Variants in IVD observed in about 807,000 individuals in gnomAD.
IVD encodes isovaleryl-CoA dehydrogenase.
IVD carries 31 observed loss-of-function variants against 51.3 expected under a neutral mutation model. That is an observed-to-expected ratio of 0.60 (90% CI 0.45 to 0.81). The LOEUF is 0.81. IVD is among the 40% of genes least tolerant of loss of function. The pLI is 0.00. For missense variants in IVD, 475 were observed against 552.0 expected, an observed-to-expected ratio of 0.86 and a Z score of 1.40; for synonymous variants, 205 against 219.4, an observed-to-expected ratio of 0.93 and a Z score of 0.58.
At chr15:40,433,187 C>A (rs892535731) in intron 7 of IVD, among the ~76,000 whole-genome samples, 9 of 151,332 alleles carry the variant, frequency 5.9e-5, no homozygotes, top group Middle Eastern at 3.4e-3. Flanking sequence ...TGTTAAATGC[C>A]GTATGAAAAA....
intron 8 of IVD, among the ~76,000 whole-genome samples, chr15:40,434,325 T>C (rs989125821): frequency 1.3e-5 from 2 of 152,216 alleles, no homozygotes; most frequent in African/African-American, 2.4e-5. Flanking sequence ...ATGGAACTTG[T>C]CTGCCTGCTT....
intron 2 of IVD, 56 bp downstream of exon 2, chr15:40,407,781 C>A: frequency 6.7e-7 from 1 of 1,502,296 alleles, no homozygotes; most frequent in Non-Finnish European, 9.2e-7. Flanking sequence ...CTGAGCTGCA[C>A]TGCTGCCTGG....
downstream of IVD, among the ~76,000 whole-genome samples, chr15:40,421,806 A>C (rs1234543330): frequency 6.6e-6 from 1 of 152,250 alleles, no homozygotes; most frequent in African/African-American, 2.4e-5. Context: ...AACCGAGTGC[A>C]GGAGGCAAGG....
chr15:40,417,979 A>G, intron 11 of IVD, 151 bp from the exon 12 acceptor site: 1 of 988,482 alleles, frequency 1.0e-6, no homozygotes, highest in Non-Finnish European at 1.5e-6. Flanking sequence ...GGACTAGTGT[A>G]TTCCCCACAC....
Position 40,420,283 on chromosome 15 carries a change from G to A in IVD, c.*2020G>A, listed in dbSNP as rs752352907. On this transcript the variant is annotated 3_prime_UTR_variant, in exon 12 of 12. Coordinates refer to ENST00000487418, the MANE Select transcript of IVD (RefSeq NM_002225.5). ...AGTCCTGGCCGTGTGACCACCCACA[G>A]CTGACTGGGCAGCAGGCACAGGCCC... The A allele has an allele frequency of 4.8e-5, 47 of 987,548 alleles. No homozygotes were observed. The highest frequency in any genetic ancestry group is 1.1e-4 in the East Asian group (1 of 8,824). 61.2% of individuals were successfully genotyped at this position (987,548 alleles called of 1,614,324 possible). A position where few individuals can be genotyped will look rare whatever the true frequency, so the allele number is the denominator to read the frequency against.
rs748160492 is a variant in IVD, at chr15:40,405,844, G to A, written c.17G>A (p.Arg6Gln). The A allele has an allele frequency of 1.2e-6, 2 of 1,612,220 alleles. No homozygotes were observed. The highest frequency in any genetic ancestry group is 1.1e-5 in the South Asian group (1 of 90,986). MATAT[R>Q]LLGWRVASWR... The stretch of plus-strand genomic sequence containing the variant: ...ATGGCAGAGATGGCGACTGCGACTC[G>A]GCTGCTGGGGTGGCGTGTGGCGAGC... The change falls in exon 1 of 12, where the codon CGG becomes CAG. Residue 6 changes from arginine to glutamine, a missense_variant. Transcript: ENST00000487418.
At position 40,415,397 on chromosome 15, in the gene IVD, A is replaced by C; in HGVS notation, c.879-4A>C. On this transcript the variant is annotated splice_polypyrimidine_tract_variant and splice_region_variant and intron_variant, in intron 8 of 11. Transcript: ENST00000487418. ...GCCCACGGGGCCTTTCTCCTTTCTG[A>C]CAGGCTCATGCAAGCGGTCCTGGAC... 1 of 1,613,830 alleles carries C rather than the reference A, an allele frequency of 6.2e-7. No homozygotes were observed. The highest frequency in any genetic ancestry group is 8.5e-7 in the Non-Finnish European group (1 of 1,179,776).
In IVD at chr15:40,411,701, G is replaced by GGT. The variant is rs763439577; in HGVS notation, c.687+12_687+13dup. On this transcript the variant is annotated intron_variant, in intron 6 of 11. Coordinates refer to ENST00000487418, the MANE Select transcript of IVD (RefSeq NM_002225.5). ...CTTCATTGTGGAGAAGGTGAGTATA[G>GGT]GTGGGTGCAGGGCCAGGAGGCTTCT... 4 of 1,614,000 alleles carry GGT rather than the reference G, an allele frequency of 2.5e-6. No homozygotes were observed.
intron 1 of IVD, among the ~76,000 whole-genome samples, chr15:40,406,794 C>T (rs994432495): frequency 2.0e-5 from 3 of 152,134 alleles, no homozygotes; most frequent in Admixed American, 6.5e-5. Context: ...TTCCGTGAAC[C>T]ACCTCAAGTG....
At position 40,420,882 on chromosome 15, in the gene IVD, AC is replaced by A. The variant is rs539042633; in HGVS notation, c.*2623del. 6 of 985,516 alleles carry A rather than the reference AC, an allele frequency of 6.1e-6. No individual in the cohort carries two copies. The East Asian group carries it at 5.7e-4, about 93-fold the overall frequency. The allele number at this position is 985,516 out of a possible 1,614,324, so 61.0% of individuals were successfully genotyped here. On this transcript the variant is annotated 3_prime_UTR_variant, in exon 12 of 12. Coordinates refer to ENST00000487418, the MANE Select transcript of IVD (RefSeq NM_002225.5). ...GAAGGGAATGGGTCTGGGTTGTTCC[AC>A]CCCTTCCGAGTTCCAAAAAGAGGGA...
Position 40,416,346 on chromosome 15 carries a change from C to A in IVD, c.1122C>A (p.Asp374Glu). Residue 374 changes from aspartate to glutamate, a missense_variant, in exon 11 of 12, where the codon GAC becomes GAA. Transcript: ENST00000487418. ...SAECATQVAL[D>E]GIQCFGGNGY... ...AGTGTGCCACACAGGTAGCCCTGGA[C>A]GGCATTCAGTGTTTTGGTGAGTGAT... The A allele has an allele frequency of 1.2e-6, 2 of 1,614,070 alleles. No individual in the cohort carries two copies. The highest frequency in any genetic ancestry group is 1.7e-6 in the Non-Finnish European group (2 of 1,180,006).
At chr15:40,422,851 C>T (rs1285127040), downstream of IVD, among the ~76,000 whole-genome samples, 1 of 149,728 alleles carries the variant, frequency 6.7e-6, no homozygotes, top group Non-Finnish European at 1.5e-5. Context: ...CCACCGGCCT[C>T]AGCCTCCCAA....
chr15:40,422,931 T>C (rs1033121875), downstream of IVD, among the ~76,000 whole-genome samples: 3 of 151,578 alleles, frequency 2.0e-5, no homozygotes, highest in Non-Finnish European at 4.4e-5. Flanking sequence ...TGTTTATTTA[T>C]TTATTTTTGA....
chr15:40,425,846 G>T (rs1892640651), downstream of IVD, among the ~76,000 whole-genome samples: 1 of 151,802 alleles, frequency 6.6e-6, no homozygotes, highest in African/African-American at 2.4e-5. Flanking sequence ...GCCTCACTTT[G>T]TCACCCAGGC....
intron 7 of IVD, chr15:40,414,385 C>G (rs1891425525): frequency 5.5e-6 from 1 of 181,650 alleles, no homozygotes; most frequent in African/African-American, 2.3e-5. Context: ...ATCCAGTCTC[C>G]TGGCTTTACT....
chr15:40,424,258 C>T (rs1892539516), downstream of IVD: 2 of 1,158,306 alleles, frequency 1.7e-6, no homozygotes. Flanking sequence ...ACTCTGATCC[C>T]CCTGGGCCTT....
chr15:40,418,844 C>T lies in IVD; in HGVS notation c.*581C>T. On this transcript the variant is annotated 3_prime_UTR_variant, in exon 12 of 12. Coordinates refer to ENST00000487418, the MANE Select transcript of IVD (RefSeq NM_002225.5). ...TTTCTGGGGGAAAAAAATAATAAAC[C>T]TAGCCTAGCCAGGCGTGGTGGCTCA... 1.1e-6 allele frequency: 1 copy of T among 909,204 alleles called. No homozygotes were observed. Among genetic ancestry groups the T allele is most frequent in the African/African-American group, 1.8e-5 (1 of 57,090 alleles). 56.3% of individuals were successfully genotyped at this position (909,204 alleles called of 1,614,324 possible).
In IVD at chr15:40,411,617, C is replaced by G. The variant is rs1891095620; in HGVS notation, c.613C>G (p.Leu205Val). ...CACTAATGGCCCTGATGCTGACGTC[C>G]TGATTGTCTATGCCAAGACAGATCT... The part of the protein sequence containing the change: ...WITNGPDADV[L>V]IVYAKTDLAA... Residue 205 changes from leucine (L) to valine (V), a missense_variant, in exon 6 of 12, where the codon CTG (leucine) becomes GTG (valine). Transcript: ENST00000487418. 6.2e-7 allele frequency: 1 copy of G among 1,614,198 alleles called. No individual in the cohort carries two copies. The highest frequency in any genetic ancestry group is 2.2e-5 in the East Asian group (1 of 44,886).
At chr15:40,430,213 C>T (rs1332491263) in intron 7 of IVD, among the ~76,000 whole-genome samples, 1 of 152,228 alleles carries the variant, frequency 6.6e-6, no homozygotes, top group Non-Finnish European at 1.5e-5. Context: ...CACTGAGTAG[C>T]TGTTACTGAG....
Sources: allele counts gnomAD v4.1 joint callset (sites outside exome capture counted in the v4.1 genomes callset), GRCh38; gene constraint gnomAD v4.1.1; transcripts MANE v1.5; gene names NCBI Gene and HGNC (gene_info 2026-07-23, HGNC 2026-07-21).